Variants in CD99L2 observed in about 807,000 individuals in gnomAD.
CD99L2 encodes CD99 molecule like 2.
A neutral mutation model predicts 27.3 loss-of-function variants in CD99L2; 24 were observed. That is an observed-to-expected ratio of 0.88 (90% CI 0.64 to 1.24). The LOEUF (loss-of-function observed/expected upper bound fraction) is 1.24, where lower values mean the gene tolerates loss of function less well. CD99L2 is among the 50% of genes most tolerant of loss of function. The pLI is 0.00. For synonymous variants in CD99L2, 97 were observed against 87.9 expected, an observed-to-expected ratio of 1.10 and a Z score of -0.58; for missense variants, 255 against 221.6, an observed-to-expected ratio of 1.15 and a Z score of -0.96.
At chrX:150,819,516 C>A (rs2046214752) in intron 2 of CD99L2, among the ~76,000 whole-genome samples, 1 of 109,848 alleles carries the variant, frequency 9.1e-6, no homozygotes, top group Admixed American at 9.8e-5. Flanking sequence ...AAGAAAACAC[C>A]AAAGATTATA....
rs782099966 is a variant in CD99L2, at chrX:150,769,120, G to A, written c.722-19C>T. 4 of 1,158,755 alleles carry A rather than the reference G, an allele frequency of 3.5e-6. No homozygotes were observed. The highest frequency in any genetic ancestry group is 2.9e-5 in the Admixed American group (1 of 34,555). ...TATTTCACTAGGGGAAAAAGAGGCCGTCAGAAGGAATTCTGCTCTGTCTTG... is the reference window on the plus strand; with the variant it reads ...TATTTCACTAGGGGAAAAAGAGGCCATCAGAAGGAATTCTGCTCTGTCTTG... On this transcript the variant is annotated intron_variant, in intron 10 of 10. Transcript: ENST00000370377.
chrX:150,882,079 G>A (rs959366228), intron 1 of CD99L2, among the ~76,000 whole-genome samples: 5 of 111,027 alleles, frequency 4.5e-5, no homozygotes, highest in African/African-American at 1.3e-4. Flanking sequence ...GTCTCCCAAA[G>A]TGCTGGGATT....
chrX:150,867,013 T>C (rs1381841513), intron 1 of CD99L2, among the ~76,000 whole-genome samples: 1 of 111,528 alleles, frequency 9.0e-6, no homozygotes, highest in African/African-American at 3.3e-5. Context: ...ATCAGCCTGT[T>C]TTTTTTGTTT....
rs1179528844 is a variant in CD99L2 at position 150,766,370 on chromosome X, A to G, written c.*2664T>C. On this transcript the variant is annotated 3_prime_UTR_variant, in exon 11 of 11. Coordinates refer to ENST00000370377, the MANE Select transcript of CD99L2 (RefSeq NM_031462.4). ...TGCCATTTTATTTAATGCAAACACT[A>G]GACAGTTTACAAGTCACACCTGGAC... 1 of 110,984 alleles carries G rather than the reference A, an allele frequency of 9.0e-6. No homozygotes were observed. Among genetic ancestry groups the G allele is most frequent in the African/African-American group, 3.3e-5 (1 of 30,402 alleles). 9.1% of individuals were successfully genotyped at this position (110,984 alleles called of 1,213,427 possible).
chrX:150,783,635 T>C (rs2045549858), intron 7 of CD99L2, among the ~76,000 whole-genome samples: 2 of 112,159 alleles, frequency 1.8e-5, no homozygotes, highest in Non-Finnish European at 3.8e-5. Context: ...CAAAATAATT[T>C]TTTTCTGATT....
At chrX:150,810,041 A>G (rs1432668228) in intron 4 of CD99L2, among the ~76,000 whole-genome samples, 1 of 112,078 alleles carries the variant, frequency 8.9e-6, no homozygotes, top group African/African-American at 3.2e-5. Context: ...TATTGCCATC[A>G]TTAATTGGAT....
At chrX:150,769,662 TCCTAGTCTCCC>T (rs782616413) in intron 10 of CD99L2, among the ~76,000 whole-genome samples, 1 of 108,670 alleles carries the variant, frequency 9.2e-6, no homozygotes, top group African/African-American at 3.4e-5. Context: ...GCCTGAGCTG[TCCTAGTCTCCC>T]TGCCTGCGCC....
chrX:150,814,810 T>C (rs2046127541), intron 4 of CD99L2, 52 bp downstream of exon 4: 1 of 1,078,143 alleles, frequency 9.3e-7, no homozygotes, highest in South Asian at 1.9e-5. Flanking sequence ...GATGTTGATG[T>C]TGTAATTAAT....
At chrX:150,875,370 T>A (rs2047212988) in intron 1 of CD99L2, among the ~76,000 whole-genome samples, 1 of 112,122 alleles carries the variant, frequency 8.9e-6, no homozygotes, top group Non-Finnish European at 1.9e-5. Context: ...TTACTTGCAC[T>A]CATTTGTGCG....
chrX:150,861,141 C>CAAAAAAAAAA (rs782255590), intron 1 of CD99L2, among the ~76,000 whole-genome samples: 3 of 40,919 alleles, frequency 7.3e-5, no homozygotes, highest in Non-Finnish European at 1.4e-4. Flanking sequence ...GACTCTGTCT[C>CAAAAAAAAAA]AAAAAAAAAA....
At chrX:150,825,953 C>T (rs904582457) in intron 2 of CD99L2, among the ~76,000 whole-genome samples, 6 of 111,636 alleles carry the variant, frequency 5.4e-5, no homozygotes, top group Admixed American at 1.9e-4. Flanking sequence ...ATATGTCCCC[C>T]GCACCCAGCC....
intron 7 of CD99L2, among the ~76,000 whole-genome samples, chrX:150,790,572 A>G (rs1464121983): frequency 9.0e-6 from 1 of 111,120 alleles, no homozygotes; most frequent in East Asian, 2.9e-4. Flanking sequence ...TAAACACTGG[A>G]CTCTAGTTGG....
Position 150,878,533 on chromosome X carries a change from T to TAAA in CD99L2, c.67+19986_67+19988dup, listed in dbSNP as rs782675993. On this transcript the variant is annotated intron_variant, in intron 1 of 10. Coordinates refer to ENST00000370377, the MANE Select transcript of CD99L2 (RefSeq NM_031462.4). ...TTTGAATAGGAAAACTTAATACTAC[T>TAAA]AAAAAAAAAAAAGAAGGAAAGAAAA... Among the ~76,000 whole-genome samples, 619 of 64,107 alleles carry TAAA rather than the reference T, an allele frequency of 9.7e-3. 4 individuals carry two copies. The highest frequency in any genetic ancestry group is 0.03 in the African/African-American group (584 of 19,262). The allele number at this position is 64,107 out of a possible 115,157, so 55.7% of individuals were successfully genotyped here.
chrX:150,872,430 T>C (rs781896537), intron 1 of CD99L2, among the ~76,000 whole-genome samples: 7 of 100,799 alleles, frequency 6.9e-5, no homozygotes, highest in Non-Finnish European at 1.4e-4. Context: ...AAAAAAATGT[T>C]TAGGAAACAT....
rs180866145 is a variant in CD99L2, at chrX:150,779,723, G to T, written c.497-2241C>A. Among the ~76,000 whole-genome samples the T allele has an allele frequency of 4.4e-5, 5 of 112,568 alleles. No individual in the cohort carries two copies. The Admixed American group carries it at 4.7e-4, about 11-fold the overall frequency. ...TACCATCCGTGAAGATCAGTTCCCA[G>T]TAAAACTAAAGTGGATGAAGGCGTA... is the stretch of plus-strand genomic sequence containing the variant. On this transcript the variant is annotated intron_variant, in intron 7 of 10. Coordinates refer to ENST00000370377, the MANE Select transcript of CD99L2 (RefSeq NM_031462.4).
chrX:150,769,714 AAGCC>A (rs2043397141), intron 10 of CD99L2, among the ~76,000 whole-genome samples: 1 of 105,777 alleles, frequency 9.5e-6, no homozygotes, highest in African/African-American at 3.4e-5. Flanking sequence ...CGACCCCAGC[AAGCC>A]TTTCCGGACC....
intron 9 of CD99L2, among the ~76,000 whole-genome samples, chrX:150,771,486 C>T (rs1232120322): frequency 6.2e-5 from 7 of 112,006 alleles, no homozygotes; most frequent in South Asian, 3.7e-4. Context: ...ACCCAGTGGG[C>T]GCTGGATCGT....
In CD99L2 at chrX:150,815,096, T is replaced by C. The variant is rs1467995817; in HGVS notation, c.203-160A>G. The C allele has an allele frequency of 1.4e-4, 67 of 476,457 alleles. No homozygotes were observed. The Admixed American group carries it at 2.4e-3, about 17-fold the overall frequency. The allele number at this position is 476,457 out of a possible 1,213,427, so 39.3% of individuals were successfully genotyped here. A position where few individuals can be genotyped will look rare whatever the true frequency, so the allele number is the denominator to read the frequency against. ...GGAATCCAATTCTGTGTACAGACATTGATAATGAAAATATCTGCAGGATAG... is the reference window on the plus strand; with the variant it reads ...GGAATCCAATTCTGTGTACAGACATCGATAATGAAAATATCTGCAGGATAG... On this transcript the variant is annotated intron_variant, in intron 3 of 10. Coordinates refer to ENST00000370377, the MANE Select transcript of CD99L2 (RefSeq NM_031462.4).
chrX:150,783,010 C>A (rs1557419461), intron 7 of CD99L2, among the ~76,000 whole-genome samples: 1 of 110,379 alleles, frequency 9.1e-6, no homozygotes. Flanking sequence ...GGTCTAGCCA[C>A]ACAATGGAAT....
Sources: allele counts gnomAD v4.1 joint callset (sites outside exome capture counted in the v4.1 genomes callset), GRCh38; gene constraint gnomAD v4.1.1; transcripts MANE v1.5; gene names NCBI Gene and HGNC (gene_info 2026-07-23, HGNC 2026-07-21).